The following FER variants were observed in gnomAD, a reference collection of about 807,000 sequenced individuals.
The protein encoded by FER is FER tyrosine kinase.
Under a neutral mutation model 111.0 loss-of-function variants are expected in FER, and 63 were observed. The observed-to-expected ratio is 0.57, with a 90% CI of 0.46 to 0.70. The LOEUF (loss-of-function observed/expected upper bound fraction) is 0.70. Among genes scored for constraint, FER ranks in the 30% least tolerant of loss-of-function variants. The pLI is 0.00. For missense variants in FER, 914 were observed against 954.0 expected (o/e 0.96, Z 0.55); for synonymous variants, 327 against 313.9 (o/e 1.04, Z -0.44).
intron 13 of FER, among the ~76,000 whole-genome samples, chr5:108,978,551 T>C (rs1189202109): frequency 6.6e-6 from 1 of 152,224 alleles, no homozygotes; most frequent in Non-Finnish European, 1.5e-5. Context: ...CATGATTACA[T>C]TATTTATTGT....
At chr5:108,754,494 A>G (rs1193001430) in intron 1 of FER, among the ~76,000 whole-genome samples, 6 of 151,850 alleles carry the variant, frequency 4.0e-5, no homozygotes, top group Admixed American at 3.9e-4. Context: ...TAAGGGACCC[A>G]AGTTATTTCC....
intron 11 of FER, among the ~76,000 whole-genome samples, chr5:108,948,879 A>G (rs999049419): frequency 6.6e-6 from 1 of 152,108 alleles, no homozygotes; most frequent in Admixed American, 6.5e-5. Flanking sequence ...AACAAAAATA[A>G]AGCACATTTT....
intron 18 of FER, among the ~76,000 whole-genome samples, chr5:109,183,976 T>C (rs556757304): frequency 1.6e-3 from 245 of 152,256 alleles, no homozygotes; most frequent in South Asian, 3.5e-3. Flanking sequence ...AATCTTTTTG[T>C]ATGTGTCTCT....
chr5:109,060,466 A>T (rs559838495), intron 16 of FER, among the ~76,000 whole-genome samples: 12 of 152,186 alleles, frequency 7.9e-5, no homozygotes, highest in Non-Finnish European at 4.4e-5. Flanking sequence ...CGGGCGGATC[A>T]TGAGGTCAAG....
At chr5:108,813,549 G>A (rs578236250) in intron 3 of FER, among the ~76,000 whole-genome samples, 93 of 152,100 alleles carry the variant, frequency 6.1e-4, no homozygotes, top group African/African-American at 2.0e-3. Flanking sequence ...TTGTCTTACA[G>A]TTTACTATGC....
intron 18 of FER, among the ~76,000 whole-genome samples, chr5:109,181,812 C>G (rs1391125258): frequency 2.0e-5 from 3 of 152,196 alleles, no homozygotes; most frequent in African/African-American, 7.2e-5. Context: ...GCATTTAGTA[C>G]AGTTCACAAT....
intron 13 of FER, among the ~76,000 whole-genome samples, chr5:108,968,066 A>G (rs1760133806): frequency 6.6e-6 from 1 of 152,160 alleles, no homozygotes; most frequent in South Asian, 2.1e-4. Flanking sequence ...ACAAGCTGCA[A>G]TGTATTTTAC....
intron 13 of FER, among the ~76,000 whole-genome samples, chr5:108,959,591 T>C (rs1325381515): frequency 1.3e-5 from 2 of 151,952 alleles, no homozygotes; most frequent in African/African-American, 4.8e-5. Context: ...TTTTTCCCCT[T>C]TCCTAGTTTT....
At chr5:109,003,083 G>C (rs1331389059) in intron 13 of FER, among the ~76,000 whole-genome samples, 1 of 152,140 alleles carries the variant, frequency 6.6e-6, no homozygotes, top group African/African-American at 2.4e-5. Context: ...TCTAGAACTA[G>C]AAATACCATT....
rs187008615 is a variant in FER, at chr5:108,984,712, C to T, written c.1656+25365C>T. 1.2e-3 allele frequency among the ~76,000 whole-genome samples: 177 copies of T among 150,550 alleles called. 1 individual carries two copies. The highest frequency in any genetic ancestry group is 3.7e-3 in the African/African-American group (155 of 41,380). Reference sequence around the variant, plus strand: ...ACAAATTGTCATTTATCTAAAAGTACGTGGGGAAACTGTAACAAAGGCTAT... The same window carrying T: ...ACAAATTGTCATTTATCTAAAAGTATGTGGGGAAACTGTAACAAAGGCTAT... On this transcript the variant is annotated intron_variant, in intron 13 of 19. Coordinates refer to ENST00000281092, the MANE Select transcript of FER (RefSeq NM_005246.4).
chr5:109,148,548 TC>T (rs1214354760), intron 17 of FER, among the ~76,000 whole-genome samples: 2 of 152,164 alleles, frequency 1.3e-5, no homozygotes, highest in African/African-American at 4.8e-5. Flanking sequence ...GTTATTCTAT[TC>T]ATAATGATTT....
At chr5:108,857,591 G>A (rs1763124903) in intron 5 of FER, among the ~76,000 whole-genome samples, 4 of 152,080 alleles carry the variant, frequency 2.6e-5, no homozygotes, top group Admixed American at 2.6e-4. Context: ...TAGTTTTTAT[G>A]TCTATCAATG....
chr5:108,961,057 C>T (rs1297981863), intron 13 of FER, among the ~76,000 whole-genome samples: 1 of 152,070 alleles, frequency 6.6e-6, no homozygotes, highest in Non-Finnish European at 1.5e-5. Flanking sequence ...CACTGCACTC[C>T]AGCCTAGGCA....
At position 108,954,827 on chromosome 5, in the gene FER, A is replaced by G; in HGVS notation, c.1428A>G (p.Lys476=). The change falls in exon 12 of 20, where the codon AAA becomes AAG. Residue 476 remains lysine (K), a synonymous_variant. Transcript: ENST00000281092. ...PRIEAQELLK[K]QGDFLVRESH... is the part of the protein sequence containing the mutation. Reference sequence around the variant, plus strand: ...TAGAAGCTCAAGAACTGTTAAAAAAACAAGGAGACTTTTTGGTGCGAGAGA... The same window carrying G: ...TAGAAGCTCAAGAACTGTTAAAAAAGCAAGGAGACTTTTTGGTGCGAGAGA... 2 of 1,612,572 alleles carry G rather than the reference A, an allele frequency of 1.2e-6. No individual in the cohort carries two copies. The highest frequency in any genetic ancestry group is 1.7e-4 in the Middle Eastern group (1 of 5,756).
chr5:108,864,186 A>C (rs1424202015), intron 5 of FER, among the ~76,000 whole-genome samples: 1 of 152,192 alleles, frequency 6.6e-6, no homozygotes, highest in Non-Finnish European at 1.5e-5. Flanking sequence ...TAAAAAAATT[A>C]TGTGTTGCTC....
At chr5:108,913,477 A>G (rs576920688) in intron 10 of FER, among the ~76,000 whole-genome samples, 120 of 152,332 alleles carry the variant, frequency 7.9e-4, no homozygotes, top group Non-Finnish European at 1.3e-3. Flanking sequence ...TAACATAGCT[A>G]TCATTTATAG....
At chr5:109,120,028 C>G (rs571258602) in intron 17 of FER, among the ~76,000 whole-genome samples, 2 of 152,114 alleles carry the variant, frequency 1.3e-5, no homozygotes, top group African/African-American at 4.8e-5. Flanking sequence ...GTTATTAACC[C>G]CTTCTCAGAA....
intron 5 of FER, among the ~76,000 whole-genome samples, chr5:108,848,566 G>A (rs1762249432): frequency 6.6e-6 from 1 of 151,932 alleles, no homozygotes; most frequent in Non-Finnish European, 1.5e-5. Flanking sequence ...CATGTATATA[G>A]TATGGGAATC....
intron 16 of FER, among the ~76,000 whole-genome samples, chr5:109,099,259 A>G (rs1200544403): frequency 2.0e-5 from 3 of 151,638 alleles, no homozygotes; most frequent in African/African-American, 4.8e-5. Context: ...TGCAAAGTTT[A>G]TGGTTGCATT....
Sources: allele counts gnomAD v4.1 joint callset (sites outside exome capture counted in the v4.1 genomes callset), GRCh38; gene constraint gnomAD v4.1.1; transcripts MANE v1.5; gene names NCBI Gene and HGNC (gene_info 2026-07-23, HGNC 2026-07-21).